ANKH: variants seen among roughly 807,000 people sequenced by gnomAD.
ANKH encodes the protein mineralization regulator ANKH.
A neutral mutation model predicts 49.0 loss-of-function variants in ANKH; 15 were observed. That is an observed-to-expected ratio of 0.31 (90% CI 0.20 to 0.47). ANKH has a LOEUF of 0.47. Ranked by LOEUF, ANKH falls within the 20% of genes least tolerant of loss-of-function variation. ANKH has a pLI of 1.00. For synonymous variants in ANKH, 273 were observed against 260.0 expected (o/e 1.05, Z -0.48); for missense variants, 429 against 652.0 (o/e 0.66, Z 3.72).
intron 1 of ANKH, among the ~76,000 whole-genome samples, chr5:14,865,427 G>A (rs966619676): frequency 2.0e-5 from 3 of 151,978 alleles, no homozygotes; most frequent in Non-Finnish European, 4.4e-5. Flanking sequence ...TTATAATTAG[G>A]AAAAATAATT....
intron 8 of ANKH, among the ~76,000 whole-genome samples, chr5:14,739,639 G>C (rs1738292860): frequency 6.6e-6 from 1 of 152,188 alleles, no homozygotes; most frequent in Admixed American, 6.5e-5. Context: ...AGGCCTAAGG[G>C]CCAATATTTG....
At chr5:14,816,494 G>A (rs972884629) in intron 1 of ANKH, among the ~76,000 whole-genome samples, 1 of 152,116 alleles carries the variant, frequency 6.6e-6, no homozygotes, top group African/African-American at 2.4e-5. Flanking sequence ...ATGAGAGGAA[G>A]GGGATGATTC....
At chr5:14,730,821 CAAGAAGA>C (rs769677871) in intron 8 of ANKH, among the ~76,000 whole-genome samples, 4 of 152,214 alleles carry the variant, frequency 2.6e-5, no homozygotes, top group Non-Finnish European at 5.9e-5. Context: ...CTGCGCCTTC[CAAGAAGA>C]GGTGGCCAGA....
intron 3 of ANKH, among the ~76,000 whole-genome samples, chr5:14,756,579 T>A (rs757942114): frequency 2.2e-4 from 33 of 152,212 alleles, no homozygotes; most frequent in Non-Finnish European, 3.4e-4. Context: ...GACACAGAAA[T>A]GACACTTCAT....
intron 1 of ANKH, among the ~76,000 whole-genome samples, chr5:14,830,610 A>C (rs554337757): frequency 6.6e-6 from 1 of 152,160 alleles, no homozygotes; most frequent in African/African-American, 2.4e-5. Flanking sequence ...TTAGAAAAAT[A>C]ATTTGGTCAT....
intron 1 of ANKH, among the ~76,000 whole-genome samples, chr5:14,794,212 A>G (rs1740299703): frequency 6.6e-6 from 1 of 152,248 alleles, no homozygotes; most frequent in Non-Finnish European, 1.5e-5. Context: ...AGCAGAGCCT[A>G]TTTTCAAAGG....
At chr5:14,832,219 A>G (rs1741526398) in intron 1 of ANKH, among the ~76,000 whole-genome samples, 1 of 152,248 alleles carries the variant, frequency 6.6e-6, no homozygotes, top group South Asian at 2.1e-4. Context: ...AAAGTAGGAC[A>G]TAATTTAAAA....
intron 1 of ANKH, among the ~76,000 whole-genome samples, chr5:14,861,246 A>T (rs1476924823): frequency 6.6e-6 from 1 of 152,146 alleles, no homozygotes; most frequent in African/African-American, 2.4e-5. Context: ...CCTCTTTGGG[A>T]CATGCACAGA....
At chr5:14,828,671 C>T (rs1384072611) in intron 1 of ANKH, among the ~76,000 whole-genome samples, 1 of 152,126 alleles carries the variant, frequency 6.6e-6, no homozygotes, top group African/African-American at 2.4e-5. Flanking sequence ...TAATAAGAAT[C>T]TCACCACATG....
intron 1 of ANKH, among the ~76,000 whole-genome samples, chr5:14,849,544 T>C (rs1173580826): frequency 6.6e-6 from 1 of 152,222 alleles, no homozygotes; most frequent in Non-Finnish European, 1.5e-5. Context: ...ACTTCCATGT[T>C]ATTCTCTGTT....
At chr5:14,871,321 A>G (rs1190391498) in intron 1 of ANKH, 31 bp downstream of exon 1, 3 of 1,596,168 alleles carry the variant, frequency 1.9e-6, no homozygotes, top group Middle Eastern at 1.7e-4. Flanking sequence ...AGGCAGGGCG[A>G]GCGGGCGTGG....
chr5:14,846,986 A>AAAC (rs1315706340), intron 1 of ANKH, among the ~76,000 whole-genome samples: 1 of 147,434 alleles, frequency 6.8e-6, no homozygotes, highest in East Asian at 2.0e-4. Context: ...CCAGCCTGGG[A>AAAC]AACAGTGTAA....
chr5:14,792,841 G>A (rs1460743953), intron 1 of ANKH, among the ~76,000 whole-genome samples: 3 of 150,138 alleles, frequency 2.0e-5, no homozygotes, highest in African/African-American at 7.4e-5. Context: ...GCCAGATGTG[G>A]TGGCAGACAC....
chr5:14,820,889 G>A (rs754852930), intron 1 of ANKH, among the ~76,000 whole-genome samples: 2 of 152,164 alleles, frequency 1.3e-5, no homozygotes, highest in Admixed American at 1.3e-4. Flanking sequence ...CTTAAGCCCA[G>A]GAATTCGAGA....
intron 8 of ANKH, among the ~76,000 whole-genome samples, chr5:14,738,426 C>G (rs1458538269): frequency 6.6e-6 from 1 of 152,126 alleles, no homozygotes; most frequent in Non-Finnish European, 1.5e-5. Flanking sequence ...TCAAAAGACT[C>G]AGGGATAAAG....
At chr5:14,808,275 T>C (rs906462729) in intron 1 of ANKH, among the ~76,000 whole-genome samples, 1 of 152,234 alleles carries the variant, frequency 6.6e-6, no homozygotes, top group South Asian at 2.1e-4. Flanking sequence ...CTATTGAATG[T>C]AGAGTTTGTA....
chr5:14,793,019 TAA>T (rs1237362308), intron 1 of ANKH, among the ~76,000 whole-genome samples: 22 of 79,170 alleles, frequency 2.8e-4, no homozygotes, highest in Non-Finnish European at 3.3e-4. Flanking sequence ...TATATATATA[TAA>T]ATATATATAT....
intron 1 of ANKH, among the ~76,000 whole-genome samples, chr5:14,846,143 C>T (rs1741954183): frequency 6.6e-6 from 1 of 152,196 alleles, no homozygotes; most frequent in South Asian, 2.1e-4. Context: ...AAGCATGAGC[C>T]ACCGCGCCCG....
chr5:14,725,994 C>A lies in ANKH; in HGVS notation c.1012-9159G>T, dbSNP rs774910732. On this transcript the variant is annotated intron_variant, in intron 8 of 11. Coordinates refer to ENST00000284268, the MANE Select transcript of ANKH (RefSeq NM_054027.6). This position sits in a 1 kb window ranked among gnomAD's most constrained non-coding sequence, Gnocchi z 4.0. ...AAACAGACCCCTGTAGATGTCTTCA[C>A]GGATATCATCAAACTTCAAATGTGA... Among the ~76,000 whole-genome samples the A allele has an allele frequency of 6.6e-6, 1 of 152,138 alleles. No homozygotes were observed. Among genetic ancestry groups the A allele is most frequent in the African/African-American group, 2.4e-5 (1 of 41,424 alleles).
Sources: allele counts gnomAD v4.1 joint callset (sites outside exome capture counted in the v4.1 genomes callset), GRCh38; gene constraint gnomAD v4.1.1; non-coding constraint Gnocchi (gnomAD v3.1); transcripts MANE v1.5; gene names NCBI Gene and HGNC (gene_info 2026-07-23, HGNC 2026-07-21).